TNRC6A: variants seen among roughly 807,000 people sequenced by gnomAD.
The protein encoded by TNRC6A is trinucleotide repeat-containing gene 6A protein.
Under a neutral mutation model 221.2 loss-of-function variants are expected in TNRC6A, and 44 were observed. The observed-to-expected ratio is 0.20, with a 90% CI of 0.16 to 0.26. TNRC6A has a LOEUF of 0.26. Ranked by LOEUF, TNRC6A falls within the 10% of genes least tolerant of loss-of-function variation. The pLI, the probability that TNRC6A is intolerant of heterozygous loss-of-function variation, is 1.00. For synonymous variants in TNRC6A, 847 were observed against 838.5 expected, an observed-to-expected ratio of 1.01 and a Z score of -0.18; for missense variants, 2,199 against 2,404.4, an observed-to-expected ratio of 0.91 and a Z score of 1.79.
intron 2 of TNRC6A, among the ~76,000 whole-genome samples, chr16:24,675,702 C>CTCTATATATATA (rs1180245687): frequency 3.0e-5 from 1 of 33,266 alleles, no homozygotes; most frequent in Non-Finnish European, 5.2e-5. Flanking sequence ...CTCTCTCTCT[C>CTCTATATATATA]TATATATATA....
chr16:24,680,478 G>A (rs2142054641), intron 2 of TNRC6A, among the ~76,000 whole-genome samples: 1 of 151,726 alleles, frequency 6.6e-6, no homozygotes, highest in South Asian at 2.1e-4. Context: ...CCAACAGTTT[G>A]GGAGGTCGAG....
At chr16:24,657,343 CA>C (rs952806201) in intron 2 of TNRC6A, among the ~76,000 whole-genome samples, 6 of 89,710 alleles carry the variant, frequency 6.7e-5, no homozygotes, top group Non-Finnish European at 1.4e-4. Context: ...AAAAAAAAAA[CA>C]AACAAACAAA....
intron 2 of TNRC6A, among the ~76,000 whole-genome samples, chr16:24,702,954 GA>G (rs375764539): frequency 0.026 from 3,937 of 152,084 alleles, 166 homozygotes; most frequent in African/African-American, 0.088. Context: ...AGAATGATGT[GA>G]ACCCAGGAGG....
intron 21 of TNRC6A, 121 bp from the exon 22 acceptor site, chr16:24,820,018 G>T: frequency 1.1e-6 from 1 of 910,990 alleles, no homozygotes; most frequent in Non-Finnish European, 1.6e-6. Flanking sequence ...TTGATTTGGG[G>T]TTTTAAAGTT....
chr16:24,764,887 A>G (rs1297106673), intron 4 of TNRC6A, among the ~76,000 whole-genome samples: 3 of 152,210 alleles, frequency 2.0e-5, no homozygotes, highest in Admixed American at 6.5e-5. Flanking sequence ...ATAAAGTTCA[A>G]TTTATAAATT....
At chr16:24,611,377 G>A (rs1333122332) in intron 1 of TNRC6A, among the ~76,000 whole-genome samples, 1 of 152,172 alleles carries the variant, frequency 6.6e-6, no homozygotes, top group Admixed American at 6.5e-5. Context: ...TAAAGGAGAT[G>A]GATACATTGC....
chr16:24,646,140 G>C (rs56343605), intron 2 of TNRC6A, among the ~76,000 whole-genome samples: 15,891 of 152,060 alleles, frequency 0.1, 998 homozygotes, highest in Non-Finnish European at 0.14. Context: ...CTAGGTCACA[G>C]GTTTTTCTTT....
chr16:24,671,072 G>C (rs537058280), intron 2 of TNRC6A: 3 of 314,104 alleles, frequency 9.6e-6, no homozygotes, highest in South Asian at 7.1e-5. Context: ...TGCAGCAGCT[G>C]CCGCACCGAC....
intron 2 of TNRC6A, among the ~76,000 whole-genome samples, chr16:24,711,269 A>C (rs1596531236): frequency 6.6e-6 from 1 of 152,096 alleles, no homozygotes; most frequent in South Asian, 2.1e-4. Flanking sequence ...CGGCCTCCCA[A>C]ATTGCTGGGA....
chr16:24,771,405 T>C (rs2057588062), intron 4 of TNRC6A, among the ~76,000 whole-genome samples: 1 of 152,194 alleles, frequency 6.6e-6, no homozygotes, highest in Non-Finnish European at 1.5e-5. Context: ...TCCAGTCTTT[T>C]GAACCTATAC....
At chr16:24,755,499 T>A (rs1290320208) in intron 3 of TNRC6A, among the ~76,000 whole-genome samples, 1 of 152,254 alleles carries the variant, frequency 6.6e-6, no homozygotes, top group Non-Finnish European at 1.5e-5. Flanking sequence ...GTTAAATCCC[T>A]TTAACCTTAC....
intron 2 of TNRC6A, among the ~76,000 whole-genome samples, chr16:24,648,551 T>C (rs1267797931): frequency 1.3e-5 from 2 of 152,158 alleles, no homozygotes; most frequent in African/African-American, 4.8e-5. Context: ...ATTACAGGCG[T>C]GAGCCACCGC....
intron 11 of TNRC6A, among the ~76,000 whole-genome samples, chr16:24,801,845 G>A (rs2058338336): frequency 6.6e-6 from 1 of 152,224 alleles, no homozygotes; most frequent in South Asian, 2.1e-4. Context: ...ACAGCTTGGA[G>A]AGAGAGTTAG....
intron 18 of TNRC6A, among the ~76,000 whole-genome samples, chr16:24,811,972 C>G (rs1042986121): frequency 7.0e-6 from 1 of 143,540 alleles, no homozygotes; most frequent in Middle Eastern, 3.7e-3. Context: ...ACCAAACAGA[C>G]CTTTGATTCT....
At chr16:24,627,258 T>A (rs1405781792) in intron 1 of TNRC6A, among the ~76,000 whole-genome samples, 1 of 152,052 alleles carries the variant, frequency 6.6e-6, no homozygotes, top group Admixed American at 6.6e-5. Flanking sequence ...CTCCCCTACA[T>A]CAGCCTCGAT....
At chr16:24,750,702 CTT>C in intron 2 of TNRC6A, 22 bp from the exon 3 acceptor site, 2 of 1,488,242 alleles carry the variant, frequency 1.3e-6, no homozygotes, top group South Asian at 1.5e-5. Context: ...TTTTGGGAAA[CTT>C]AATTGCAACT....
At chr16:24,656,339 T>C (rs543683041) in intron 2 of TNRC6A, among the ~76,000 whole-genome samples, 1 of 151,366 alleles carries the variant, frequency 6.6e-6, no homozygotes, top group Non-Finnish European at 1.5e-5. Flanking sequence ...TGGTGGCGCA[T>C]GCCTGTAATC....
At chr16:24,631,795 G>A (rs563418507) in intron 1 of TNRC6A, among the ~76,000 whole-genome samples, 2 of 150,714 alleles carry the variant, frequency 1.3e-5, no homozygotes, top group South Asian at 4.2e-4. Flanking sequence ...AACAAAAAAA[G>A]AAAAACAGAA....
intron 18 of TNRC6A, among the ~76,000 whole-genome samples, chr16:24,813,206 G>A (rs190891127): frequency 1.3e-3 from 194 of 152,170 alleles, no homozygotes; most frequent in Non-Finnish European, 2.4e-3. Context: ...GGGGGTACAA[G>A]TTCATGTTTT....
Sources: gnomAD v4.1 joint callset for allele counts (sites outside exome capture counted in the v4.1 genomes callset) on GRCh38, gnomAD v4.1.1 for gene constraint, MANE v1.5 for transcripts, NCBI Gene and HGNC (gene_info 2026-07-23, HGNC 2026-07-21) for gene names.